Variants in SDK1 observed in about 807,000 individuals in gnomAD.
SDK1 encodes protein sidekick-1.
Under a neutral mutation model 245.5 loss-of-function variants are expected in SDK1, and 157 were observed. That is an observed-to-expected ratio of 0.64 (90% CI 0.56 to 0.73). The LOEUF (loss-of-function observed/expected upper bound fraction) is 0.73. Ranked by LOEUF, SDK1 falls within the 30% of genes least tolerant of loss-of-function variation. The pLI, the probability that SDK1 is intolerant of heterozygous loss-of-function variation, is 0.00. For synonymous variants in SDK1, 1,647 were observed against 1,278.5 expected, an observed-to-expected ratio of 1.29 and a Z score of -6.15; for missense variants, 3,583 against 3,002.3, an observed-to-expected ratio of 1.19 and a Z score of -4.52.
rs867192137 is a variant in SDK1 at position 4,139,721 on chromosome 7, A to G, written c.4229-6001A>G. On this transcript the variant is annotated intron_variant, in intron 28 of 44. Transcript: ENST00000404826. ...TGTGTGTGTATGTGTGTGTGTGTGT[A>G]TGTGTGTGTGTGTGTATGTGTGTGT... Among the ~76,000 whole-genome samples, 982 of 110,352 alleles carry G rather than the reference A, an allele frequency of 8.9e-3. 20 individuals are homozygous for G. The highest frequency in any genetic ancestry group is 0.027 in the Admixed American group (323 of 12,046). 72.4% of individuals were successfully genotyped at this position (110,352 alleles called of 152,430 possible).
At chr7:3,415,229 G>A (rs1779327271) in intron 1 of SDK1, among the ~76,000 whole-genome samples, 1 of 152,174 alleles carries the variant, frequency 6.6e-6, no homozygotes, top group African/African-American at 2.4e-5. Flanking sequence ...AAGTGCATAT[G>A]TTACAAAAAA....
At chr7:3,525,268 C>G (rs896945341) in intron 1 of SDK1, among the ~76,000 whole-genome samples, 1 of 151,996 alleles carries the variant, frequency 6.6e-6, no homozygotes, top group African/African-American at 2.4e-5. Context: ...ATGGGCCTCT[C>G]TCCATGAATT....
chr7:3,432,698 G>A (rs989659857), intron 1 of SDK1, among the ~76,000 whole-genome samples: 13 of 152,266 alleles, frequency 8.5e-5, no homozygotes, highest in African/African-American at 3.1e-4. Context: ...AGCCTGCACT[G>A]TCATAGAAGA....
At chr7:3,408,020 T>G (rs1779098049) in intron 1 of SDK1, among the ~76,000 whole-genome samples, 1 of 151,876 alleles carries the variant, frequency 6.6e-6, no homozygotes, top group Non-Finnish European at 1.5e-5. Flanking sequence ...TATGATAAAA[T>G]GGAGAACGCC....
rs1452598940 is a variant in SDK1, at chr7:4,265,235, C to G, written c.6493C>G (p.Pro2165Ala). 6.2e-7 allele frequency: 1 copy of G among 1,608,104 alleles called. No homozygotes were observed. The highest frequency in any genetic ancestry group is 2.2e-5 in the East Asian group (1 of 44,824). ...GAAGCGCAGGGCCCAGGGCCGCGCA[C>G]CTGCGCCGCACAGGTACGAGGCGGT... ...SWKRRAQGRA[P>A]APHRYEAVAG... Residue 2165 changes from proline to alanine, a missense_variant, in exon 45 of 45, where the codon CCT (proline) becomes GCT (alanine). Physicochemically the swap from Pro to Ala is conservative, Grantham distance 27 (BLOSUM62 -1). Coordinates refer to ENST00000404826, the MANE Select transcript of SDK1 (RefSeq NM_152744.4).
chr7:3,500,664 C>T (rs1388613092), intron 1 of SDK1, among the ~76,000 whole-genome samples: 1 of 152,056 alleles, frequency 6.6e-6, no homozygotes, highest in African/African-American at 2.4e-5. Flanking sequence ...TCAGTGGATT[C>T]TTTAAACTTG....
Position 4,175,851 on chromosome 7 carries a change from C to T in SDK1, c.4996+17C>T, listed in dbSNP as rs755199072. The T allele has an allele frequency of 8.1e-6, 13 of 1,609,168 alleles. No individual in the cohort carries two copies. The highest frequency in any genetic ancestry group is 1.1e-5 in the Non-Finnish European group (13 of 1,177,332). On this transcript the variant is annotated intron_variant, in intron 34 of 44. Transcript: ENST00000404826. Reference sequence around the variant, plus strand: ...AACTAACACGTAAGTGCGCTCTCAGCGGGAGGCCCATGCCGCGAGGCGCAC... The same window carrying T: ...AACTAACACGTAAGTGCGCTCTCAGTGGGAGGCCCATGCCGCGAGGCGCAC...
At chr7:3,323,169 C>T (rs1013771222) in intron 1 of SDK1, among the ~76,000 whole-genome samples, 1 of 152,072 alleles carries the variant, frequency 6.6e-6, no homozygotes, top group African/African-American at 2.4e-5. Flanking sequence ...TTCCCCCACT[C>T]GACCGAGGGC....
chr7:3,827,279 A>C (rs1394683923), intron 5 of SDK1, among the ~76,000 whole-genome samples: 1 of 152,146 alleles, frequency 6.6e-6, no homozygotes, highest in Non-Finnish European at 1.5e-5. Context: ...AAAATTTCCA[A>C]AGAACCTATT....
rs185063734 is a variant in SDK1 at position 3,501,355 on chromosome 7, A to G, written c.299-117725A>G. On this transcript the variant is annotated intron_variant, in intron 1 of 44. Transcript: ENST00000404826. ...TCCAACTTGCTCTTTCCAACTTGCT[A>G]TGGGCTAGGGAATCAGGAAAAAGAA... is the stretch of plus-strand genomic sequence containing the variant. Among the ~76,000 whole-genome samples, 330 of 148,490 alleles carry G rather than the reference A, an allele frequency of 2.2e-3. 4 individuals carry two copies. The highest frequency in any genetic ancestry group is 3.6e-3 in the Non-Finnish European group (245 of 67,466).
intron 1 of SDK1, among the ~76,000 whole-genome samples, chr7:3,450,858 A>G (rs2035222395): frequency 6.6e-6 from 1 of 152,222 alleles, no homozygotes; most frequent in Non-Finnish European, 1.5e-5. Flanking sequence ...GCAAAGGATC[A>G]CAAGAAGACA....
intron 1 of SDK1, among the ~76,000 whole-genome samples, chr7:3,538,740 A>C (rs1261686917): frequency 6.6e-6 from 1 of 152,198 alleles, no homozygotes; most frequent in Non-Finnish European, 1.5e-5. Context: ...TGCAAACCCC[A>C]GAACTTCATG....
intron 1 of SDK1, among the ~76,000 whole-genome samples, chr7:3,430,482 C>T (rs947224460): frequency 6.6e-6 from 1 of 152,134 alleles, no homozygotes; most frequent in African/African-American, 2.4e-5. Context: ...CTACTTTTAC[C>T]TCTGTGACCT....
chr7:3,585,124 ACAT>A (rs1269866984), intron 1 of SDK1, among the ~76,000 whole-genome samples: 2 of 152,148 alleles, frequency 1.3e-5, no homozygotes, highest in Non-Finnish European at 2.9e-5. Flanking sequence ...CCGAAATAAA[ACAT>A]CAGCATGTAA....
chr7:4,173,392 C>A (rs1188308337), intron 32 of SDK1, among the ~76,000 whole-genome samples: 2 of 152,126 alleles, frequency 1.3e-5, no homozygotes, highest in Non-Finnish European at 2.9e-5. Context: ...AAACAGAAAC[C>A]GACTGAAGGA....
intron 1 of SDK1, among the ~76,000 whole-genome samples, chr7:3,557,002 A>G (rs1053722303): frequency 6.7e-6 from 1 of 148,628 alleles, no homozygotes; most frequent in Non-Finnish European, 1.5e-5. Context: ...ATATTAAAAA[A>G]TAAGGAAAGG....
intron 1 of SDK1, among the ~76,000 whole-genome samples, chr7:3,578,281 G>T (rs994600950): frequency 2.7e-5 from 4 of 150,342 alleles, no homozygotes; most frequent in African/African-American, 9.9e-5. Flanking sequence ...TTTTATTAAG[G>T]ATTAAGGGGA....
At chr7:3,549,629 T>C (rs1779338227) in intron 1 of SDK1, among the ~76,000 whole-genome samples, 1 of 152,188 alleles carries the variant, frequency 6.6e-6, no homozygotes, top group African/African-American at 2.4e-5. Flanking sequence ...GCAGAGCATG[T>C]TTTGTTTTTT....
intron 4 of SDK1, among the ~76,000 whole-genome samples, chr7:3,810,642 T>G (rs185073088): frequency 5.3e-5 from 8 of 152,364 alleles, no homozygotes; most frequent in Admixed American, 5.2e-4. Context: ...AAATAAATCC[T>G]TCACTAGTTA....
Sources: gnomAD v4.1 joint callset for allele counts (sites outside exome capture counted in the v4.1 genomes callset) on GRCh38, gnomAD v4.1.1 for gene constraint, MANE v1.5 for transcripts, NCBI Gene and HGNC (gene_info 2026-07-23, HGNC 2026-07-21) for gene names.